Variants in IL1RAPL1 observed in about 807,000 individuals in gnomAD.
The protein encoded by IL1RAPL1 is interleukin-1 receptor accessory protein-like 1.
In IL1RAPL1, 3 loss-of-function variants were observed where a neutral mutation model predicts 48.4. That is an observed-to-expected ratio of 0.06 (90% CI 0.03 to 0.16). IL1RAPL1 has a LOEUF of 0.16. Ranked by LOEUF, IL1RAPL1 falls within the 10% of genes least tolerant of loss-of-function variation. The probability of loss-of-function intolerance (pLI) is 1.00; values close to 1 mark genes in which losing one functional copy is unlikely to be tolerated. For missense variants in IL1RAPL1, 349 were observed against 530.6 expected (o/e 0.66, Z 3.36); for synonymous variants, 185 against 187.7 (o/e 0.99, Z 0.12).
intron 8 of IL1RAPL1, among the ~76,000 whole-genome samples, chrX:29,921,925 C>T (rs1297480831): frequency 9.0e-6 from 1 of 111,662 alleles, no homozygotes; most frequent in Non-Finnish European, 1.9e-5. Context: ...TTTGTATTAG[C>T]GAAATACTTT....
At chrX:28,602,112 A>G (rs1026518440) in intron 1 of IL1RAPL1, among the ~76,000 whole-genome samples, 1 of 109,912 alleles carries the variant, frequency 9.1e-6, no homozygotes, top group Admixed American at 9.7e-5. Flanking sequence ...CTCAAAAAAA[A>G]AAAAAAAAAA....
At position 29,602,124 on chromosome X, in the gene IL1RAPL1, C is replaced by T. The variant is rs190943276; in HGVS notation, c.704-66306C>T. Among the ~76,000 whole-genome samples, 547 of 110,534 alleles carry T rather than the reference C, an allele frequency of 4.9e-3. 5 individuals carry two copies. Among genetic ancestry groups the T allele is most frequent in the African/African-American group, 0.017 (514 of 29,646 alleles). ...TCAGCCTCCCAAGTAGCTGGGATTA[C>T]AGGCATGCACCACCACACCCTGCTA... On this transcript the variant is annotated intron_variant, in intron 5 of 10. Coordinates refer to ENST00000378993, the MANE Select transcript of IL1RAPL1 (RefSeq NM_014271.4).
chrX:28,706,724 G>A lies in IL1RAPL1; in HGVS notation c.-24-82596G>A, dbSNP rs371897166. On this transcript the variant is annotated intron_variant, in intron 1 of 10. Coordinates refer to ENST00000378993, the MANE Select transcript of IL1RAPL1 (RefSeq NM_014271.4). Reference sequence around the variant, plus strand: ...CCACTGTACCCAGCCATTAGGACACGTTTCTTAGAACCTATCCCCATCAGT... The same window carrying A: ...CCACTGTACCCAGCCATTAGGACACATTTCTTAGAACCTATCCCCATCAGT... 3.6e-5 allele frequency among the ~76,000 whole-genome samples: 4 copies of A among 111,558 alleles called. No homozygotes were observed. In the East Asian group the frequency reaches 8.5e-4, roughly 24 times the overall value.
intron 3 of IL1RAPL1, among the ~76,000 whole-genome samples, chrX:29,312,903 T>C (rs1413922052): frequency 9.0e-6 from 1 of 111,439 alleles, no homozygotes; most frequent in Non-Finnish European, 1.9e-5. Context: ...TCCTGTCTTA[T>C]TCTCTCTTGC....
At chrX:28,951,188 G>A (rs1924454217) in intron 2 of IL1RAPL1, among the ~76,000 whole-genome samples, 1 of 102,454 alleles carries the variant, frequency 9.8e-6, no homozygotes, top group Non-Finnish European at 2.0e-5. Context: ...CGAGTTAGTG[G>A]GTGCAGCGCA....
intron 6 of IL1RAPL1, among the ~76,000 whole-genome samples, chrX:29,797,247 T>C (rs1360987332): frequency 8.9e-6 from 1 of 112,571 alleles, no homozygotes; most frequent in East Asian, 2.8e-4. Flanking sequence ...AGGAGCCCAA[T>C]GTGTTTCATA....
At chrX:28,857,660 G>A (rs1237161767) in intron 2 of IL1RAPL1, among the ~76,000 whole-genome samples, 1 of 111,110 alleles carries the variant, frequency 9.0e-6, no homozygotes, top group Non-Finnish European at 1.9e-5. Flanking sequence ...ATCCATTGTT[G>A]AGACCTATTG....
intron 6 of IL1RAPL1, among the ~76,000 whole-genome samples, chrX:29,907,695 T>C (rs1343609939): frequency 8.9e-6 from 1 of 112,028 alleles, no homozygotes; most frequent in African/African-American, 3.2e-5. Context: ...AATGTCCAGA[T>C]CTATCATCAT....
intron 1 of IL1RAPL1, among the ~76,000 whole-genome samples, chrX:28,637,598 T>A (rs1300296638): frequency 8.9e-6 from 1 of 111,738 alleles, no homozygotes; most frequent in African/African-American, 3.2e-5. Flanking sequence ...TTGAAACTAA[T>A]CTGGAGTCTT....
At chrX:29,058,447 T>C (rs776425873) in intron 2 of IL1RAPL1, among the ~76,000 whole-genome samples, 4 of 112,101 alleles carry the variant, frequency 3.6e-5, no homozygotes, top group Non-Finnish European at 7.5e-5. Context: ...CTGTTTGAAA[T>C]GCTCATTTGC....
chrX:29,357,518 A>G (rs1384747091), intron 3 of IL1RAPL1, among the ~76,000 whole-genome samples: 3 of 112,430 alleles, frequency 2.7e-5, no homozygotes, highest in Non-Finnish European at 5.6e-5. Context: ...TTCAAATCAT[A>G]CAATTGAGAT....
Position 28,866,927 on chromosome X carries a change from G to A in IL1RAPL1, c.82+77502G>A, listed in dbSNP as rs181191553. ...CTTCATAACAAGATGATATAGTATAGTTTTTATTCTATTTTTCACTAAAGT... is the reference window on the plus strand; with the variant it reads ...CTTCATAACAAGATGATATAGTATAATTTTTATTCTATTTTTCACTAAAGT... On this transcript the variant is annotated intron_variant, in intron 2 of 10. Transcript: ENST00000378993. Among the ~76,000 whole-genome samples, 356 of 112,015 alleles carry A rather than the reference G, an allele frequency of 3.2e-3. 1 individual carries two copies. The highest frequency in any genetic ancestry group is 4.5e-3 in the Non-Finnish European group (239 of 53,217).
At chrX:29,851,219 C>T (rs1931361832) in intron 6 of IL1RAPL1, among the ~76,000 whole-genome samples, 1 of 111,745 alleles carries the variant, frequency 8.9e-6, no homozygotes, top group Non-Finnish European at 1.9e-5. Flanking sequence ...TTTAAAACCA[C>T]CAAGGCTCCT....
At chrX:29,761,162 T>C (rs888650939) in intron 6 of IL1RAPL1, among the ~76,000 whole-genome samples, 1 of 112,106 alleles carries the variant, frequency 8.9e-6, no homozygotes, top group Non-Finnish European at 1.9e-5. Context: ...AAAATATACA[T>C]AACATAAAGT....
intron 5 of IL1RAPL1, among the ~76,000 whole-genome samples, chrX:29,486,130 G>A (rs768146546): frequency 1.1e-4 from 12 of 110,843 alleles, no homozygotes; most frequent in South Asian, 3.9e-4. Context: ...CAGCAATACC[G>A]ACCTGTTGCA....
intron 2 of IL1RAPL1, among the ~76,000 whole-genome samples, chrX:29,243,417 C>G (rs948494110): frequency 6.3e-5 from 7 of 111,770 alleles, no homozygotes; most frequent in Non-Finnish European, 1.3e-4. Flanking sequence ...TGCTCATCAC[C>G]TATTAGGTCA....
intron 2 of IL1RAPL1, among the ~76,000 whole-genome samples, chrX:28,901,132 G>T (rs547415438): frequency 1.8e-4 from 20 of 111,592 alleles, no homozygotes; most frequent in Middle Eastern, 4.6e-3. Context: ...AATCTTCATG[G>T]TTGCATGCAA....
chrX:29,000,019 T>G (rs962182553), intron 2 of IL1RAPL1, among the ~76,000 whole-genome samples: 22 of 111,386 alleles, frequency 2.0e-4, no homozygotes, highest in Admixed American at 1.8e-3. Context: ...ATTTTAAGAG[T>G]CTGCTGCTCT....
chrX:29,382,494 G>T (rs1025895792), intron 3 of IL1RAPL1, among the ~76,000 whole-genome samples: 3 of 111,284 alleles, frequency 2.7e-5, no homozygotes, highest in African/African-American at 9.8e-5. Context: ...CCAGGGATCA[G>T]TGTTTTTCAT....
Sources: gnomAD v4.1 joint callset for allele counts (sites outside exome capture counted in the v4.1 genomes callset) on GRCh38, gnomAD v4.1.1 for gene constraint, MANE v1.5 for transcripts, NCBI Gene and HGNC (gene_info 2026-07-23, HGNC 2026-07-21) for gene names.